Variants in PPARGC1A observed in about 807,000 individuals in gnomAD.
The protein encoded by PPARGC1A is PPARG coactivator 1 alpha.
Under a neutral mutation model 88.7 loss-of-function variants are expected in PPARGC1A, and 25 were observed. The observed-to-expected ratio is 0.28, with a 90% CI of 0.21 to 0.39. The LOEUF is 0.39. Among genes scored for constraint, PPARGC1A ranks in the 10% least tolerant of loss-of-function variants. The pLI is 1.00. For missense variants in PPARGC1A, 880 were observed against 968.7 expected (o/e 0.91, Z 1.22); for synonymous variants, 363 against 355.6 (o/e 1.02, Z -0.24).
At chr4:24,344,496 A>G in the PPARGC1A span, among the ~76,000 whole-genome samples, 1 of 151,866 alleles carries the variant, frequency 6.6e-6, no homozygotes, top group Non-Finnish European at 1.5e-5. Context: ...TTCCCTGATC[A>G]TTAGTGTTGT....
At chr4:24,422,531 T>C in the PPARGC1A span, among the ~76,000 whole-genome samples, 69,096 of 151,848 alleles carry the variant, frequency 0.46, 16,133 homozygotes, top group African/African-American at 0.55. Context: ...AAATCTGCTT[T>C]TTCCAGTAAG....
chr4:23,995,415 A>G, the PPARGC1A span, among the ~76,000 whole-genome samples: 2 of 152,114 alleles, frequency 1.3e-5, no homozygotes, highest in Admixed American at 6.6e-5. Context: ...TCTTCTAAAG[A>G]CTTGTTCACC....
At chr4:24,036,684 A>G in the PPARGC1A span, among the ~76,000 whole-genome samples, 7 of 152,320 alleles carry the variant, frequency 4.6e-5, no homozygotes, top group South Asian at 1.4e-3. Context: ...GAACAGACAG[A>G]CAAATTGATA....
At chr4:24,118,948 T>A in the PPARGC1A span, among the ~76,000 whole-genome samples, 1,867 of 152,264 alleles carry the variant, frequency 0.012, 16 homozygotes, top group Non-Finnish European at 0.02. Context: ...AAAAGGTGCA[T>A]AACAAATTTG....
chr4:24,157,671 T>C, the PPARGC1A span, among the ~76,000 whole-genome samples: 1 of 152,060 alleles, frequency 6.6e-6, no homozygotes, highest in Non-Finnish European at 1.5e-5. Context: ...GTCAGTCCTG[T>C]TTTTTCTCTT....
In PPARGC1A at chr4:23,890,038, G is replaced by C; in HGVS notation, c.-81C>G. On this transcript the variant is annotated 5_prime_UTR_variant, in exon 1 of 13. Coordinates refer to ENST00000264867, the MANE Select transcript of PPARGC1A (RefSeq NM_013261.5). ...GAGCACACACTCATGCAGGCAACCA[G>C]CCCCTTACTGAGAGTGAACTGAAGG... 6.3e-7 allele frequency: 1 copy of C among 1,589,616 alleles called. No homozygotes were observed. The highest frequency in any genetic ancestry group is 8.6e-7 in the Non-Finnish European group (1 of 1,168,734).
the PPARGC1A span, among the ~76,000 whole-genome samples, chr4:24,035,580 AAT>A: frequency 1.3e-5 from 2 of 151,616 alleles, no homozygotes; most frequent in South Asian, 4.2e-4. Flanking sequence ...TAAAAAATAA[AAT>A]AAAAATAAAA....
chr4:24,002,463 C>G, the PPARGC1A span, among the ~76,000 whole-genome samples: 1 of 152,124 alleles, frequency 6.6e-6, no homozygotes, highest in Non-Finnish European at 1.5e-5. Context: ...TTTGACCTGA[C>G]TCATTACTTC....
the PPARGC1A span, among the ~76,000 whole-genome samples, chr4:24,062,485 G>A: frequency 6.6e-6 from 1 of 152,156 alleles, no homozygotes; most frequent in South Asian, 2.1e-4. Context: ...CTTCCACTGT[G>A]CTCCCATAGC....
the PPARGC1A span, among the ~76,000 whole-genome samples, chr4:24,122,416 C>CATAT: frequency 0.012 from 1,500 of 128,010 alleles, 10 homozygotes; most frequent in Non-Finnish European, 0.017. Context: ...TGTGTGTGTG[C>CATAT]ATATATATAT....
At chr4:24,198,654 T>A in the PPARGC1A span, among the ~76,000 whole-genome samples, 1 of 152,200 alleles carries the variant, frequency 6.6e-6, no homozygotes. Context: ...TGGGTTGGGT[T>A]CCTCGAGCCT....
intron 7 of PPARGC1A, 35 bp downstream of exon 7, chr4:23,824,245 A>T (rs907904908): frequency 6.4e-7 from 1 of 1,550,802 alleles, no homozygotes; most frequent in African/African-American, 1.4e-5. Flanking sequence ...ATACAGACAG[A>T]CACACACAAG....
chr4:24,282,185 G>C, the PPARGC1A span, among the ~76,000 whole-genome samples: 1 of 152,150 alleles, frequency 6.6e-6, no homozygotes, highest in Non-Finnish European at 1.5e-5. Context: ...CTTGCCCTAG[G>C]TCACATAGTT....
the PPARGC1A span, among the ~76,000 whole-genome samples, chr4:24,349,081 A>G: frequency 1.6e-4 from 24 of 152,194 alleles, no homozygotes; most frequent in Non-Finnish European, 2.4e-4. Context: ...TTCTGGGTCT[A>G]GCCATCCAGC....
the PPARGC1A span, among the ~76,000 whole-genome samples, chr4:24,223,250 ATTT>A: frequency 7.4e-6 from 1 of 135,380 alleles, no homozygotes. Flanking sequence ...ACTTTTGTGG[ATTT>A]TTTTTTTTTT....
the PPARGC1A span, among the ~76,000 whole-genome samples, chr4:23,963,125 T>TG: frequency 3.3e-5 from 5 of 152,062 alleles, no homozygotes; most frequent in Non-Finnish European, 7.4e-5. Flanking sequence ...GGAGACCCCG[T>TG]GAAAAAACCA....
At chr4:23,821,674 TATA>T (rs1471779074) in intron 7 of PPARGC1A, among the ~76,000 whole-genome samples, 1 of 152,112 alleles carries the variant, frequency 6.6e-6, no homozygotes, top group Admixed American at 6.6e-5. Flanking sequence ...TGAGTACTTA[TATA>T]ATAAGGGGGC....
the PPARGC1A span, among the ~76,000 whole-genome samples, chr4:24,306,095 G>T: frequency 1.3e-5 from 2 of 152,238 alleles, no homozygotes; most frequent in Middle Eastern, 3.4e-3. Context: ...AGATTCCACA[G>T]AATTCCAGGA....
the PPARGC1A span, among the ~76,000 whole-genome samples, chr4:24,410,955 G>A: frequency 6.6e-6 from 1 of 152,126 alleles, no homozygotes; most frequent in East Asian, 1.9e-4. Context: ...CCTATTGTGG[G>A]ACTTCATCTT....
Sources: allele counts gnomAD v4.1 joint callset (sites outside exome capture counted in the v4.1 genomes callset), GRCh38; gene constraint gnomAD v4.1.1; transcripts MANE v1.5; gene names NCBI Gene and HGNC (gene_info 2026-07-23, HGNC 2026-07-21).